The following SOCS6 variants were observed in gnomAD, a reference collection of about 807,000 sequenced individuals.
The protein encoded by SOCS6 is STAT induced STAT inhibitor-4.
SOCS6 carries 5 observed loss-of-function variants against 27.7 expected under a neutral mutation model. The ratio of observed to expected loss-of-function variants is 0.18; its 90% CI spans 0.09 to 0.38. The LOEUF (loss-of-function observed/expected upper bound fraction) is 0.38. Among genes scored for constraint, SOCS6 ranks in the 10% least tolerant of loss-of-function variants. The pLI, the probability that SOCS6 is intolerant of heterozygous loss-of-function variation, is 1.00. For synonymous variants in SOCS6, 271 were observed against 260.0 expected (o/e 1.04, Z -0.41); for missense variants, 595 against 688.1 (o/e 0.86, Z 1.51).
intron 1 of SOCS6, chr18:70,314,262 A>G (rs982315604): frequency 6.6e-6 from 1 of 152,144 alleles, no homozygotes; most frequent in Non-Finnish European, 1.5e-5. Flanking sequence ...TCTCAAAACT[A>G]AAAATAAAAA....
chr18:70,307,322 T>C (rs989203343), intron 1 of SOCS6, among the ~76,000 whole-genome samples: 2 of 152,224 alleles, frequency 1.3e-5, no homozygotes, highest in Admixed American at 1.3e-4. Context: ...GTAGTTTTCT[T>C]GTGATGTCTT....
At chr18:70,289,599 C>CTCGGGCTCGGGG (rs2062289478) in intron 1 of SOCS6, among the ~76,000 whole-genome samples, 1 of 147,426 alleles carries the variant, frequency 6.8e-6, no homozygotes, top group Admixed American at 6.7e-5. Flanking sequence ...CGGGCTCGGG[C>CTCGGGCTCGGGG]TCGGGCTCGG....
At chr18:70,294,316 C>T (rs879472285) in intron 1 of SOCS6, among the ~76,000 whole-genome samples, 3 of 151,966 alleles carry the variant, frequency 2.0e-5, no homozygotes, top group Non-Finnish European at 4.4e-5. Flanking sequence ...GGGGCCTGGC[C>T]ACTGAGTAGG....
rs1171916572 is a variant in SOCS6, at chr18:70,326,132, C to T, written c.1464C>T (p.Thr488=). ...CTGCAACTTACCCCGTCAGACTGAC[C>T]AACCCAGTGTCCCGGTTCATGCAGG... ...PGSATYPVRL[T]NPVSRFMQVR... The change falls in exon 2 of 2, where the codon ACC becomes ACT. Residue 488 remains threonine (T), a synonymous_variant. Transcript: ENST00000397942. 1 of 1,614,154 alleles carries T rather than the reference C, an allele frequency of 6.2e-7. No individual in the cohort carries two copies. Among genetic ancestry groups the T allele is most frequent in the Non-Finnish European group, 8.5e-7 (1 of 1,180,036 alleles).
At chr18:70,299,970 GTTA>G (rs2146266029) in intron 1 of SOCS6, among the ~76,000 whole-genome samples, 1 of 152,260 alleles carries the variant, frequency 6.6e-6, no homozygotes, top group Non-Finnish European at 1.5e-5. Flanking sequence ...CATAGCTTCT[GTTA>G]TTCCTGGAGC....
rs771423783 is a variant in SOCS6 at position 70,327,843 on chromosome 18, G to C, written c.*1567G>C. The stretch of plus-strand genomic sequence containing the variant: ...AGTCTCTTACCCACTTTAAACATGA[G>C]GGTAAAGGTTTAGGTCAAACTTACT... On this transcript the variant is annotated 3_prime_UTR_variant, in exon 2 of 2. Transcript: ENST00000397942. 1 of 166,668 alleles carries C rather than the reference G, an allele frequency of 6.0e-6. No individual in the cohort carries two copies. The highest frequency in any genetic ancestry group is 2.1e-4 in the South Asian group (1 of 4,822). The allele number at this position is 166,668 out of a possible 1,614,324, so 10.3% of individuals were successfully genotyped here.
Position 70,325,807 on chromosome 18 carries a change from C to G in SOCS6, c.1139C>G (p.Ala380Gly), listed in dbSNP as rs551385259. The change falls in exon 2 of 2, where the codon GCA (alanine) becomes GGA (glycine). Residue 380 changes from alanine to glycine, a missense_variant. By Grantham distance (60) the Ala-to-Gly change is moderately conservative. Transcript: ENST00000397942. The surrounding 1 kb of genome is among the most constrained non-coding windows in gnomAD (Gnocchi z 6.3). ...CTTACAGAGGAGCTGAAAAAACTTG[C>G]AAAGCAAGGATGGTACTGGGGACCA... ...TSLTEELKKL[A>G]KQGWYWGPIT... The G allele has an allele frequency of 3.1e-6, 5 of 1,614,200 alleles. No homozygotes were observed. Among genetic ancestry groups the G allele is most frequent in the Admixed American group, 1.7e-5 (1 of 60,032 alleles).
rs867009952 is a variant in SOCS6 at position 70,291,006 on chromosome 18, A to G, written c.-127+1916A>G. ...GGCGTAGGGTGGAAAATGGTGCTGT[A>G]CTGACTGGGTTTCTAGTCATTTTGC... On this transcript the variant is annotated intron_variant, in intron 1 of 1. Transcript: ENST00000397942. Among the ~76,000 whole-genome samples the G allele has an allele frequency of 3.3e-5, 5 of 152,200 alleles. No individual in the cohort carries two copies. The South Asian group carries it at 8.3e-4, about 25-fold the overall frequency.
intron 1 of SOCS6, among the ~76,000 whole-genome samples, chr18:70,307,485 T>C (rs1205460222): frequency 6.6e-6 from 1 of 152,256 alleles, no homozygotes; most frequent in African/African-American, 2.4e-5. Context: ...CTGACCTTTC[T>C]TTATAGGAAG....
At chr18:70,310,488 T>C (rs2062386474) in intron 1 of SOCS6, among the ~76,000 whole-genome samples, 1 of 147,502 alleles carries the variant, frequency 6.8e-6, no homozygotes, top group Admixed American at 6.7e-5. Context: ...TTTTTTTTTT[T>C]GCAGAGACAG....
At position 70,327,655 on chromosome 18, in the gene SOCS6, G is replaced by C. The variant is rs993677756; in HGVS notation, c.*1379G>C. ...ATTTTTAGTTATTTTGTAATGCAGA[G>C]TGTTTATTCATTTCACAGTTCTGCA... On this transcript the variant is annotated 3_prime_UTR_variant, in exon 2 of 2. Transcript: ENST00000397942. 4.2e-5 allele frequency: 7 copies of C among 167,036 alleles called. No homozygotes were observed. Among genetic ancestry groups the C allele is most frequent in the African/African-American group, 1.7e-4 (7 of 41,442 alleles). The allele number at this position is 167,036 out of a possible 1,614,324, so 10.3% of individuals were successfully genotyped here.
chr18:70,309,487 T>G (rs1047510536), intron 1 of SOCS6, among the ~76,000 whole-genome samples: 36 of 152,222 alleles, frequency 2.4e-4, no homozygotes, highest in African/African-American at 8.2e-4. Flanking sequence ...TTTTTTGGTG[T>G]GCCAATTTAA....
chr18:70,324,840 G>A lies in SOCS6; in HGVS notation c.172G>A (p.Gly58Ser), dbSNP rs758971852. The A allele has an allele frequency of 2.0e-5, 32 of 1,614,014 alleles. No individual in the cohort carries two copies. The East Asian group carries it at 4.5e-4, about 22-fold the overall frequency. ...AGATATGGCCAGCTGCGATATCAAC[G>A]GTGAAGATGAAAAAGGCGGAAAAAA... is the stretch of plus-strand genomic sequence containing the variant. ...GKDMASCDIN[G>S]EDEKGGKNRS... Residue 58 changes from glycine to serine, a missense_variant, in exon 2 of 2, where the codon GGT (glycine) becomes AGT (serine). Coordinates refer to ENST00000397942, the MANE Select transcript of SOCS6 (RefSeq NM_004232.4).
rs202207403 is a variant in SOCS6, at chr18:70,324,683, T to C, written c.15T>C (p.Ser5=). ...AACTAGTCATAATGAAGAAAATTAGTCTTAAAACCTTACGGAAATCTTTTA... is the reference window on the plus strand; with the variant it reads ...AACTAGTCATAATGAAGAAAATTAGCCTTAAAACCTTACGGAAATCTTTTA... The part of the protein sequence containing the change: MKKI[S]LKTLRKSFNL... The change falls in exon 2 of 2, where the codon AGT becomes AGC. Residue 5 remains serine (S), a synonymous_variant. Transcript: ENST00000397942. The C allele has an allele frequency of 4.4e-5, 69 of 1,583,296 alleles. No individual in the cohort carries two copies. Among genetic ancestry groups the C allele is most frequent in the Non-Finnish European group, 5.6e-5 (65 of 1,159,698 alleles).
chr18:70,306,228 C>CA (rs1406847947), intron 1 of SOCS6, among the ~76,000 whole-genome samples: 4 of 149,588 alleles, frequency 2.7e-5, no homozygotes, highest in Admixed American at 2.0e-4. Flanking sequence ...CATCCTGTCA[C>CA]AAAAAAGCAG....
At chr18:70,312,101 C>T (rs1259600306) in intron 1 of SOCS6, among the ~76,000 whole-genome samples, 2 of 152,148 alleles carry the variant, frequency 1.3e-5, no homozygotes, top group African/African-American at 2.4e-5. Context: ...TGCATTTAAA[C>T]CTCACAACTA....
At chr18:70,305,631 C>G (rs1159670778) in intron 1 of SOCS6, among the ~76,000 whole-genome samples, 2 of 152,158 alleles carry the variant, frequency 1.3e-5, no homozygotes, top group Non-Finnish European at 1.5e-5. Flanking sequence ...TTGTTTGAAT[C>G]TATAGATCAA....
At chr18:70,307,226 C>T (rs1000060779) in intron 1 of SOCS6, among the ~76,000 whole-genome samples, 3 of 152,308 alleles carry the variant, frequency 2.0e-5, no homozygotes, top group South Asian at 2.1e-4. Flanking sequence ...TGCATCACTG[C>T]ACTCCAGCCT....
Position 70,324,839 on chromosome 18 carries a change from CGGT to C in SOCS6, c.173_175del (p.Gly58del). ...AAGATATGGCCAGCTGCGATATCAA[CGGT>C]GAAGATGAAAAAGGCGGAAAAAACA... On this transcript the variant is annotated inframe_deletion, in exon 2 of 2. Coordinates refer to ENST00000397942, the MANE Select transcript of SOCS6 (RefSeq NM_004232.4). The C allele has an allele frequency of 6.2e-7, 1 of 1,614,068 alleles. No individual in the cohort carries two copies. The highest frequency in any genetic ancestry group is 8.5e-7 in the Non-Finnish European group (1 of 1,180,002).
Sources: allele counts gnomAD v4.1 joint callset (sites outside exome capture counted in the v4.1 genomes callset), GRCh38; gene constraint gnomAD v4.1.1; non-coding constraint Gnocchi (gnomAD v3.1); transcripts MANE v1.5; gene names NCBI Gene and HGNC (gene_info 2026-07-23, HGNC 2026-07-21).